Variants in KCNJ10 observed in about 807,000 individuals in gnomAD.
The protein encoded by KCNJ10 is ATP-sensitive inward rectifier potassium channel 10.
Under a neutral mutation model 22.2 loss-of-function variants are expected in KCNJ10, and 9 were observed. That is an observed-to-expected ratio of 0.40 (90% CI 0.24 to 0.71). The LOEUF is 0.71. KCNJ10 is among the 30% of genes least tolerant of loss of function. The probability of loss-of-function intolerance (pLI) is 0.35; values close to 1 mark genes in which losing one functional copy is unlikely to be tolerated. For synonymous variants in KCNJ10, 184 were observed against 187.3 expected (o/e 0.98, Z 0.15); for missense variants, 337 against 482.7 (o/e 0.70, Z 2.83).
chr1:160,062,628 C>A (rs1649229983), intron 1 of KCNJ10: 1 of 152,266 alleles, frequency 6.6e-6, no homozygotes, highest in African/African-American at 2.4e-5. Context: ...GCCACGGGGA[C>A]TGGTAGGAGT....
chr1:160,064,289 C>T (rs916777096), intron 1 of KCNJ10, among the ~76,000 whole-genome samples: 1 of 152,202 alleles, frequency 6.6e-6, no homozygotes, highest in Non-Finnish European at 1.5e-5. Flanking sequence ...ATTATTTGCC[C>T]TTTTCACTTT....
chr1:160,045,584 T>C (rs1052528614), intron 1 of KCNJ10, among the ~76,000 whole-genome samples: 1 of 152,226 alleles, frequency 6.6e-6, no homozygotes, highest in African/African-American at 2.4e-5. Flanking sequence ...TGTGTTTTGA[T>C]TGCCAAAAAA....
intron 1 of KCNJ10, among the ~76,000 whole-genome samples, chr1:160,052,556 T>C (rs568525722): frequency 1.1e-4 from 17 of 152,342 alleles, no homozygotes; most frequent in Admixed American, 1.0e-3. Context: ...CCCACACTTA[T>C]CTTAGACAGT....
chr1:160,047,568 C>T (rs1397525983), intron 1 of KCNJ10, among the ~76,000 whole-genome samples: 1 of 152,180 alleles, frequency 6.6e-6, no homozygotes, highest in Non-Finnish European at 1.5e-5. Flanking sequence ...CTGCTCCGTG[C>T]CTACCTGATG....
chr1:160,047,521 C>G (rs946025324), intron 1 of KCNJ10, among the ~76,000 whole-genome samples: 1 of 152,162 alleles, frequency 6.6e-6, no homozygotes, highest in African/African-American at 2.4e-5. Context: ...CCTCACTACC[C>G]AATCCTTTCT....
intron 1 of KCNJ10, among the ~76,000 whole-genome samples, chr1:160,058,806 C>T (rs961677381): frequency 6.6e-6 from 1 of 152,222 alleles, no homozygotes; most frequent in Non-Finnish European, 1.5e-5. Context: ...CACAAAACCT[C>T]TCGGTTCTTG....
intron 1 of KCNJ10, among the ~76,000 whole-genome samples, chr1:160,064,235 G>C (rs1649264022): frequency 6.6e-6 from 1 of 152,176 alleles, no homozygotes; most frequent in East Asian, 1.9e-4. Context: ...CCTTTCGGAG[G>C]CTCTACAAAG....
At position 160,042,144 on chromosome 1, in the gene KCNJ10, C is replaced by A; in HGVS notation, c.389G>T (p.Gly130Val). The A allele has an allele frequency of 6.3e-7, 1 of 1,582,286 alleles. No homozygotes were observed. The highest frequency in any genetic ancestry group is 8.6e-7 in the Non-Finnish European group (1 of 1,162,248). Residue 130 changes from glycine to valine, a missense_variant, in exon 2 of 2, where the codon GGC (glycine) becomes GTC (valine). Coordinates refer to ENST00000644903, the MANE Select transcript of KCNJ10 (RefSeq NM_002241.5). ...CTCACTGATGTAGCGGAAGCCATAG[C>A]CAATGGTGGTTTGGGATTCAAGGGA... ...LFSLESQTTI[G>V]YGFRYISEEC...
chr1:160,058,115 G>A (rs1461811118), intron 1 of KCNJ10, among the ~76,000 whole-genome samples: 2 of 152,142 alleles, frequency 1.3e-5, no homozygotes, highest in African/African-American at 4.8e-5. Context: ...CTCAGTGCCT[G>A]GCATTTCTTG....
intron 1 of KCNJ10, among the ~76,000 whole-genome samples, chr1:160,057,591 C>T (rs1325778650): frequency 6.6e-6 from 1 of 152,250 alleles, no homozygotes; most frequent in Non-Finnish European, 1.5e-5. Flanking sequence ...GCCCTCTTGT[C>T]TGCCCCCAGC....
At chr1:160,049,693 A>ATATATATATATATATATATATATT (rs2101928690) in intron 1 of KCNJ10, among the ~76,000 whole-genome samples, 2 of 116,718 alleles carry the variant, frequency 1.7e-5, no homozygotes, top group Admixed American at 9.1e-5. Flanking sequence ...ATATATATAT[A>ATATATATATATATATATATATATT]TATATATATA....
At chr1:160,067,555 C>G (rs1344874226) in intron 1 of KCNJ10, among the ~76,000 whole-genome samples, 1 of 152,212 alleles carries the variant, frequency 6.6e-6, no homozygotes, top group Non-Finnish European at 1.5e-5. Flanking sequence ...CTTCCAGGGC[C>G]CCACTGCTAT....
intron 1 of KCNJ10, among the ~76,000 whole-genome samples, chr1:160,058,193 G>A (rs1649087783): frequency 6.6e-6 from 1 of 152,104 alleles, no homozygotes; most frequent in Admixed American, 6.5e-5. Context: ...TTTTCCATGT[G>A]CCACCCACTT....
rs561111909 is a variant in KCNJ10 at position 160,061,824 on chromosome 1, T to A, written c.-1+8198A>T. On this transcript the variant is annotated intron_variant, in intron 1 of 1. Transcript: ENST00000644903. ...AGGAGGTGGTGTTGTGGACGTGCGA[T>A]CTGTGTGCTGGGGTCAGTGTGTTGT... Among the ~76,000 whole-genome samples, 10 of 151,786 alleles carry A rather than the reference T, an allele frequency of 6.6e-5. No homozygotes were observed. The East Asian group carries it at 9.7e-4, about 15-fold the overall frequency.
rs1372372152 is a variant in KCNJ10, at chr1:160,039,847, T to C, written c.*1546A>G. 6.6e-6 allele frequency: 1 copy of C among 152,228 alleles called. No homozygotes were observed. The highest frequency in any genetic ancestry group is 1.5e-5 in the Non-Finnish European group (1 of 68,066). 9.4% of individuals were successfully genotyped at this position (152,228 alleles called of 1,614,324 possible). A position where few individuals can be genotyped will look rare whatever the true frequency, so the allele number is the denominator to read the frequency against. ...GCAGTACCACTATGTGAGGCTTCCT[T>C]GGTACCAAAGTGAGACCAGAAAGCA... is the stretch of plus-strand genomic sequence containing the variant. On this transcript the variant is annotated 3_prime_UTR_variant, in exon 2 of 2. Transcript: ENST00000644903.
intron 1 of KCNJ10, among the ~76,000 whole-genome samples, chr1:160,046,905 A>G (rs1259115135): frequency 6.6e-6 from 1 of 152,204 alleles, no homozygotes; most frequent in Non-Finnish European, 1.5e-5. Context: ...AGCCGGCCAA[A>G]TACCAGAGAC....
At chr1:160,043,093 GAA>G (rs1648650446) in intron 1 of KCNJ10, among the ~76,000 whole-genome samples, 1 of 152,192 alleles carries the variant, frequency 6.6e-6, no homozygotes, top group African/African-American at 2.4e-5. Context: ...AGGCAGAAAA[GAA>G]AGAGTAGTAG....
intron 1 of KCNJ10, among the ~76,000 whole-genome samples, chr1:160,053,430 AGCACT>A (rs1648951122): frequency 1.3e-5 from 2 of 152,172 alleles, no homozygotes; most frequent in African/African-American, 4.8e-5. Flanking sequence ...CAGGAAGAAA[AGCACT>A]GCATGGTTAT....
intron 1 of KCNJ10, among the ~76,000 whole-genome samples, chr1:160,045,122 C>A (rs1648713072): frequency 6.6e-6 from 1 of 152,162 alleles, no homozygotes; most frequent in South Asian, 2.1e-4. Flanking sequence ...TTGACAAGAT[C>A]TCTCATTATG....
Sources: gnomAD v4.1 joint callset for allele counts (sites outside exome capture counted in the v4.1 genomes callset) on GRCh38, gnomAD v4.1.1 for gene constraint, MANE v1.5 for transcripts, NCBI Gene and HGNC (gene_info 2026-07-23, HGNC 2026-07-21) for gene names.